Variants in KLF7 observed in about 807,000 individuals in gnomAD.
KLF7 encodes the protein Krueppel-like factor 7.
In KLF7, 2 loss-of-function variants were observed where a neutral mutation model predicts 27.3. The observed-to-expected ratio is 0.07, with a 90% CI of 0.03 to 0.23. The LOEUF is 0.23. KLF7 is among the 10% of genes least tolerant of loss of function. KLF7 has a pLI of 1.00. For missense variants in KLF7, 221 were observed against 394.1 expected, an observed-to-expected ratio of 0.56 and a Z score of 3.72; for synonymous variants, 165 against 162.4, an observed-to-expected ratio of 1.02 and a Z score of -0.12.
chr2:207,092,707 C>T (rs371573135), intron 2 of KLF7, among the ~76,000 whole-genome samples: 16 of 152,282 alleles, frequency 1.1e-4, no homozygotes, highest in East Asian at 1.9e-4. Flanking sequence ...CTCCCTATAT[C>T]GTGATCATCA....
At chr2:207,153,384 G>A (rs1248124030) in intron 1 of KLF7, among the ~76,000 whole-genome samples, 2 of 152,178 alleles carry the variant, frequency 1.3e-5, no homozygotes, top group African/African-American at 2.4e-5. Flanking sequence ...AAGGTTCAGA[G>A]TCAGACATTT....
chr2:207,160,043 T>TA (rs2078497146), intron 1 of KLF7, among the ~76,000 whole-genome samples: 1 of 152,182 alleles, frequency 6.6e-6, no homozygotes, highest in Non-Finnish European at 1.5e-5. Context: ...TTAGATAGAA[T>TA]AAGGATATGT....
intron 2 of KLF7, among the ~76,000 whole-genome samples, chr2:207,106,791 G>A (rs138857999): frequency 2.0e-5 from 3 of 152,238 alleles, no homozygotes; most frequent in East Asian, 1.9e-4. Context: ...GCTAAGACCC[G>A]GAAATAGGCT....
At position 207,115,140 on chromosome 2, in the gene KLF7, A is replaced by G. The variant is rs984862363; in HGVS notation, c.733+8634T>C. ...TAAAAGGGGTCTTACATGAATGCAG[A>G]TAACTTTTGAAGGGAAGAAAAAAAA... is the stretch of plus-strand genomic sequence containing the variant. On this transcript the variant is annotated intron_variant, in intron 2 of 3. Transcript: ENST00000309446. 4.6e-5 allele frequency among the ~76,000 whole-genome samples: 7 copies of G among 152,042 alleles called. No individual in the cohort carries two copies. In the East Asian group the frequency reaches 1.2e-3, roughly 25 times the overall value.
rs933716022 is a variant in KLF7, at chr2:207,080,478, G to T, written c.*735C>A. On this transcript the variant is annotated 3_prime_UTR_variant, in exon 4 of 4. Transcript: ENST00000309446. ...CGTAAGAAAAGAAAACTCCTCCCTT[G>T]AGAGTGAAGTCTACAGAAATGCAGG... 4.9e-6 allele frequency: 1 copy of T among 202,896 alleles called. No individual in the cohort carries two copies. Among genetic ancestry groups the T allele is most frequent in the Non-Finnish European group, 9.8e-6 (1 of 101,712 alleles). The allele number at this position is 202,896 out of a possible 1,614,324, so 12.6% of individuals were successfully genotyped here.
chr2:207,131,499 T>C (rs2077633566), intron 1 of KLF7, among the ~76,000 whole-genome samples: 1 of 152,186 alleles, frequency 6.6e-6, no homozygotes, highest in African/African-American at 2.4e-5. Context: ...CAAGCTACTG[T>C]TAGGAGGGAA....
At chr2:207,142,220 T>C (rs1290527741) in intron 1 of KLF7, among the ~76,000 whole-genome samples, 1 of 152,216 alleles carries the variant, frequency 6.6e-6, no homozygotes, top group South Asian at 2.1e-4. Context: ...TTTCATTGCA[T>C]GCTCTTCACT....
chr2:207,124,839 G>T (rs1368521385), intron 1 of KLF7, among the ~76,000 whole-genome samples: 1 of 152,104 alleles, frequency 6.6e-6, no homozygotes, highest in Non-Finnish European at 1.5e-5. Context: ...AAACAGACTT[G>T]AGCACATCAC....
intron 2 of KLF7, among the ~76,000 whole-genome samples, chr2:207,118,747 G>A (rs549949600): frequency 6.6e-6 from 1 of 152,180 alleles, no homozygotes; most frequent in South Asian, 2.1e-4. Context: ...AAAACATTTA[G>A]AACAATGTCT....
At chr2:207,094,511 T>A (rs143038419) in intron 2 of KLF7, among the ~76,000 whole-genome samples, 1 of 152,356 alleles carries the variant, frequency 6.6e-6, no homozygotes, top group African/African-American at 2.4e-5. Flanking sequence ...TACTGCTGCC[T>A]AATACATCTC....
At chr2:207,108,463 C>T (rs757989790) in intron 2 of KLF7, among the ~76,000 whole-genome samples, 5 of 152,200 alleles carry the variant, frequency 3.3e-5, no homozygotes, top group Non-Finnish European at 5.9e-5. Context: ...TACAGACAAA[C>T]AATCCTCAAA....
intron 1 of KLF7, among the ~76,000 whole-genome samples, chr2:207,138,649 T>C (rs2077853860): frequency 6.6e-6 from 1 of 152,226 alleles, no homozygotes; most frequent in South Asian, 2.1e-4. Flanking sequence ...GAATTCTTTT[T>C]TGGCATGACA....
Position 207,165,768 on chromosome 2 carries a change from T to A in KLF7, c.-200A>T, listed in dbSNP as rs1295091843. 4 of 1,424,136 alleles carry A rather than the reference T, an allele frequency of 2.8e-6. No homozygotes were observed. The highest frequency in any genetic ancestry group is 3.6e-6 in the Non-Finnish European group (4 of 1,097,080). 88.2% of individuals were successfully genotyped at this position (1,424,136 alleles called of 1,614,324 possible). A position where few individuals can be genotyped will look rare whatever the true frequency, so the allele number is the denominator to read the frequency against. On this transcript the variant is annotated 5_prime_UTR_variant, in exon 1 of 4. Transcript: ENST00000309446. ...AGAGAGGAGGTGAGAGAGGAGCGAG[T>A]GAGTGGGGTGGATGGAGAGAGGCAT...
intron 1 of KLF7, among the ~76,000 whole-genome samples, chr2:207,159,794 C>G (rs2078489341): frequency 1.3e-5 from 2 of 152,100 alleles, no homozygotes; most frequent in African/African-American, 4.8e-5. Flanking sequence ...ATTTATATAT[C>G]AAGCATGTGG....
chr2:207,125,741 T>C lies in KLF7; in HGVS notation c.103-1337A>G, dbSNP rs144764592. Among the ~76,000 whole-genome samples, 361 of 152,308 alleles carry C rather than the reference T, an allele frequency of 2.4e-3. 1 individual carries two copies. Among genetic ancestry groups the C allele is most frequent in the African/African-American group, 8.5e-3 (352 of 41,574 alleles). On this transcript the variant is annotated intron_variant, in intron 1 of 3. Transcript: ENST00000309446. ...ATTTTCAATGGTAAGAACTAATGAA[T>C]GGTTCCAGTCTTCATTCAACACTCA...
intron 1 of KLF7, among the ~76,000 whole-genome samples, chr2:207,136,838 A>C (rs2077803493): frequency 6.6e-6 from 1 of 151,968 alleles, no homozygotes; most frequent in African/African-American, 2.4e-5. Flanking sequence ...TCTATCCTAA[A>C]ATGCTCACCT....
chr2:207,160,873 A>G (rs1199225185), intron 1 of KLF7, among the ~76,000 whole-genome samples: 1 of 152,212 alleles, frequency 6.6e-6, no homozygotes, highest in Non-Finnish European at 1.5e-5. Flanking sequence ...AAATCATTTC[A>G]GGGCAAGGCT....
In KLF7 at chr2:207,129,458, G is replaced by A. The variant is rs529191485; in HGVS notation, c.103-5054C>T. Among the ~76,000 whole-genome samples the A allele has an allele frequency of 5.9e-5, 9 of 152,260 alleles. No individual in the cohort carries two copies. In the East Asian group the frequency reaches 1.2e-3, roughly 20 times the overall value. On this transcript the variant is annotated intron_variant, in intron 1 of 3. Transcript: ENST00000309446. Reference sequence around the variant, plus strand: ...CAAAGTGATTTTCCTCTATATTGATGAGTCACAGATGAGCTTTGTGAAGAT... The same window carrying A: ...CAAAGTGATTTTCCTCTATATTGATAAGTCACAGATGAGCTTTGTGAAGAT...
intron 2 of KLF7, among the ~76,000 whole-genome samples, chr2:207,103,418 G>C (rs1442296014): frequency 6.6e-6 from 1 of 152,312 alleles, no homozygotes; most frequent in Admixed American, 6.5e-5. Flanking sequence ...GCTTCTGACA[G>C]TTCTCAGTGC....
Sources: gnomAD v4.1 joint callset for allele counts (sites outside exome capture counted in the v4.1 genomes callset) on GRCh38, gnomAD v4.1.1 for gene constraint, MANE v1.5 for transcripts, NCBI Gene and HGNC (gene_info 2026-07-23, HGNC 2026-07-21) for gene names.